Variants in CDC42 observed in about 807,000 individuals in gnomAD.
CDC42 encodes cell division cycle 42.
CDC42 carries 1 observed loss-of-function variant against 20.8 expected under a neutral mutation model. The observed-to-expected ratio is 0.05, with a 90% CI of 0.02 to 0.23. The LOEUF (loss-of-function observed/expected upper bound fraction) is 0.23, where lower values mean the gene tolerates loss of function less well. Ranked by LOEUF, CDC42 falls within the 10% of genes least tolerant of loss-of-function variation. The probability of loss-of-function intolerance (pLI) is 1.00; values close to 1 mark genes in which losing one functional copy is unlikely to be tolerated. For missense variants in CDC42, 49 were observed against 227.9 expected (o/e 0.21, Z 5.05); for synonymous variants, 72 against 84.8 (o/e 0.85, Z 0.83).
At chr1:22,062,124 C>T (rs996702971) in intron 1 of CDC42, among the ~76,000 whole-genome samples, 2 of 150,434 alleles carry the variant, frequency 1.3e-5, no homozygotes, top group South Asian at 2.1e-4. Flanking sequence ...TTAGTAGACA[C>T]GGGGTTTCAC....
chr1:22,055,544 C>T (rs1316120100), intron 1 of CDC42, among the ~76,000 whole-genome samples: 2 of 148,226 alleles, frequency 1.3e-5, no homozygotes, highest in Non-Finnish European at 3.0e-5. Context: ...GGCTAGAGTG[C>T]AGTGGTGTGA....
rs2124050199 is a variant in CDC42, at chr1:22,090,293, T to C, written c.487-1135T>C. 3.5e-6 allele frequency: 4 copies of C among 1,146,546 alleles called. No individual in the cohort carries two copies. The Middle Eastern group carries it at 1.5e-3, about 422-fold the overall frequency. The allele number at this position is 1,146,546 out of a possible 1,614,324, so 71.0% of individuals were successfully genotyped here. A position where few individuals can be genotyped will look rare whatever the true frequency, so the allele number is the denominator to read the frequency against. On this transcript the variant is annotated intron_variant, in intron 5 of 5. Transcript: ENST00000656825. ...CTCAGAGCTTTTTGGTTTGGATTAC[T>C]ATTGCAAAAGGGAACTTGGTCTGGC...
At chr1:22,074,615 TAA>T (rs1645528442) in intron 1 of CDC42, among the ~76,000 whole-genome samples, 2 of 152,210 alleles carry the variant, frequency 1.3e-5, no homozygotes, top group South Asian at 4.1e-4. Context: ...GGTCAGGTCT[TAA>T]CTATGTTGCC....
intron 1 of CDC42, among the ~76,000 whole-genome samples, chr1:22,061,780 C>T (rs1323323388): frequency 5.3e-5 from 8 of 151,614 alleles, no homozygotes; most frequent in Admixed American, 3.3e-4. Flanking sequence ...AGGCTGGTCT[C>T]GAACTCCTGA....
At chr1:22,070,117 ATTC>A (rs1342587495) in intron 1 of CDC42, among the ~76,000 whole-genome samples, 2 of 152,202 alleles carry the variant, frequency 1.3e-5, no homozygotes, top group African/African-American at 4.8e-5. Flanking sequence ...GCAATGTTGT[ATTC>A]TTAATTGAAC....
intron 5 of CDC42, among the ~76,000 whole-genome samples, chr1:22,088,788 C>T (rs147942081): frequency 3.2e-4 from 48 of 152,166 alleles, no homozygotes; most frequent in African/African-American, 1.1e-3. Context: ...TTATATTTTA[C>T]TGCCAGAGTT....
intron 1 of CDC42, among the ~76,000 whole-genome samples, chr1:22,059,006 G>A (rs1645334228): frequency 6.5e-5 from 1 of 15,470 alleles, no homozygotes; most frequent in African/African-American, 9.9e-4. Context: ...ATATATTTTT[G>A]TAGAGAATGG....
intron 1 of CDC42, among the ~76,000 whole-genome samples, chr1:22,067,230 A>G (rs1429555816): frequency 6.6e-6 from 1 of 152,192 alleles, no homozygotes; most frequent in Non-Finnish European, 1.5e-5. Context: ...GAAACTTATC[A>G]CAGTTCTGCA....
chr1:22,091,234 G>A (rs1645712688), intron 5 of CDC42, among the ~76,000 whole-genome samples, 194 bp from the exon 6 acceptor site: 1 of 152,172 alleles, frequency 6.6e-6, no homozygotes, highest in Admixed American at 6.5e-5. Flanking sequence ...CTGCTCCTCT[G>A]CTCCTGAATT....
chr1:22,091,469 C>T lies in CDC42; in HGVS notation c.528C>T (p.Ala176=). Residue 176 remains alanine, a synonymous_variant, in exon 6 of 6, where the codon GCC becomes GCT. Transcript: ENST00000656825. ...TATTTGACGAAGCAATATTGGCTGC[C>T]CTGGAGCCTCCAGAACCGAAGAAGA... ...KNVFDEAILA[A]LEPPEPKKSR... The T allele has an allele frequency of 6.2e-7, 1 of 1,613,538 alleles. No individual in the cohort carries two copies. Among genetic ancestry groups the T allele is most frequent in the Non-Finnish European group, 8.5e-7 (1 of 1,179,636 alleles).
Position 22,072,386 on chromosome 1 carries a change from C to T in CDC42, c.-50-6043C>T, listed in dbSNP as rs376177033. 2.0e-5 allele frequency among the ~76,000 whole-genome samples: 3 copies of T among 152,154 alleles called. No homozygotes were observed. In the South Asian group the frequency reaches 6.2e-4, roughly 32 times the overall value. On this transcript the variant is annotated intron_variant, in intron 1 of 5. Coordinates refer to ENST00000656825, the MANE Select transcript of CDC42 (RefSeq NM_001791.4). ...TGCTGGGATTACAGGCTTGAACCACCGTGCCTGGCCGTTTTACTTACCTTT... is the reference window on the plus strand; with the variant it reads ...TGCTGGGATTACAGGCTTGAACCACTGTGCCTGGCCGTTTTACTTACCTTT...
At chr1:22,055,138 A>G (rs1360215005) in intron 1 of CDC42, among the ~76,000 whole-genome samples, 1 of 150,676 alleles carries the variant, frequency 6.6e-6, no homozygotes, top group Non-Finnish European at 1.5e-5. Context: ...TATTTTTAGT[A>G]GAGACGGGGT....
intron 1 of CDC42, among the ~76,000 whole-genome samples, chr1:22,071,112 C>T (rs536080274): frequency 4.9e-5 from 7 of 141,842 alleles, no homozygotes; most frequent in African/African-American, 8.0e-5. Flanking sequence ...GGCGCGGTCT[C>T]GGCTCACTGC....
intron 1 of CDC42, among the ~76,000 whole-genome samples, chr1:22,063,264 C>G (rs1185426661): frequency 6.6e-6 from 1 of 151,882 alleles, no homozygotes; most frequent in Admixed American, 6.6e-5. Context: ...AAAATTGTAG[C>G]AATCTGAGAC....
At chr1:22,088,206 G>A (rs1645679825) in intron 5 of CDC42, among the ~76,000 whole-genome samples, 1 of 152,180 alleles carries the variant, frequency 6.6e-6, no homozygotes, top group South Asian at 2.1e-4. Flanking sequence ...GGGGAGACAA[G>A]GGAAAGTCAT....
At chr1:22,069,935 A>C (rs946905194) in intron 1 of CDC42, among the ~76,000 whole-genome samples, 6 of 151,952 alleles carry the variant, frequency 3.9e-5, no homozygotes, top group African/African-American at 1.2e-4. Context: ...CCACAGGCGC[A>C]TGCCACCATG....
intron 1 of CDC42, among the ~76,000 whole-genome samples, chr1:22,070,152 T>C (rs1006890677): frequency 5.9e-5 from 9 of 152,294 alleles, no homozygotes; most frequent in Non-Finnish European, 1.3e-4. Context: ...AAAGTAGAGA[T>C]TCCTCTTCAA....
intron 1 of CDC42, among the ~76,000 whole-genome samples, chr1:22,075,694 C>T (rs1038475395): frequency 2.0e-5 from 3 of 152,156 alleles, no homozygotes; most frequent in South Asian, 2.1e-4. Context: ...CATGTATTAT[C>T]TTAGTTTACC....
In CDC42 at chr1:22,086,854, T is replaced by C. The variant is rs768438356; in HGVS notation, c.474T>C (p.Ser158=). The change falls in exon 5 of 6, where the codon TCT becomes TCC. Residue 158 remains serine, a synonymous_variant. Coordinates refer to ENST00000656825, the MANE Select transcript of CDC42 (RefSeq NM_001791.4). Reference sequence around the variant, plus strand: ...AGGCTGTCAAGTATGTGGAGTGTTCTGCACTTACACAGGTAAGAATGGCAT... The same window carrying C: ...AGGCTGTCAAGTATGTGGAGTGTTCCGCACTTACACAGGTAAGAATGGCAT... ...DLKAVKYVEC[S]ALTQKGLKNV... The C allele has an allele frequency of 5.6e-6, 9 of 1,613,772 alleles. No homozygotes were observed. The highest frequency in any genetic ancestry group is 7.6e-6 in the Non-Finnish European group (9 of 1,179,656).
Sources: gnomAD v4.1 joint callset for allele counts (sites outside exome capture counted in the v4.1 genomes callset) on GRCh38, gnomAD v4.1.1 for gene constraint, MANE v1.5 for transcripts, NCBI Gene and HGNC (gene_info 2026-07-23, HGNC 2026-07-21) for gene names.